ROS1: variants seen among roughly 807,000 people sequenced by gnomAD.
ROS1 encodes proto-oncogene tyrosine-protein kinase ROS.
ROS1 carries 263 observed loss-of-function variants against 273.5 expected under a neutral mutation model. The ratio of observed to expected loss-of-function variants is 0.96; its 90% CI spans 0.87 to 1.06. The LOEUF (loss-of-function observed/expected upper bound fraction) is 1.06. Ranked by LOEUF, ROS1 falls within the 50% of genes least tolerant of loss-of-function variation. The pLI is 0.00. For synonymous variants in ROS1, 1,008 were observed against 954.1 expected (o/e 1.06, Z -1.04); for missense variants, 2,833 against 2,751.1 (o/e 1.03, Z -0.67).
intron 4 of ROS1, among the ~76,000 whole-genome samples, chr6:117,409,960 T>C (rs1036619369): frequency 9.2e-5 from 14 of 152,216 alleles, no homozygotes; most frequent in African/African-American, 3.4e-4. Flanking sequence ...ATCCTTACTT[T>C]TCCCTCCATT....
chr6:117,417,425 T>C (rs1269826419), intron 2 of ROS1, among the ~76,000 whole-genome samples: 1 of 152,112 alleles, frequency 6.6e-6, no homozygotes, highest in African/African-American at 2.4e-5. Context: ...ACTGCCTCAA[T>C]TTTCTGTTTT....
chr6:117,411,205 G>T (rs1048215142), intron 4 of ROS1, among the ~76,000 whole-genome samples: 1 of 150,452 alleles, frequency 6.6e-6, no homozygotes, highest in Admixed American at 6.6e-5. Context: ...TAACAACTAC[G>T]TTTCCTTCTC....
intron 21 of ROS1, among the ~76,000 whole-genome samples, 178 bp from the exon 22 acceptor site, chr6:117,363,043 C>T (rs1421763651): frequency 6.6e-6 from 1 of 152,166 alleles, no homozygotes; most frequent in African/African-American, 2.4e-5. Context: ...TAGATTTCTT[C>T]AGGAACCCAT....
At chr6:117,420,543 A>T (rs905392311) in intron 1 of ROS1, among the ~76,000 whole-genome samples, 7 of 151,318 alleles carry the variant, frequency 4.6e-5, no homozygotes, top group Non-Finnish European at 1.5e-5. Flanking sequence ...AACAAAACTG[A>T]ACATTGTGCA....
intron 1 of ROS1, among the ~76,000 whole-genome samples, chr6:117,422,863 C>T (rs943687198): frequency 2.6e-5 from 4 of 151,746 alleles, no homozygotes; most frequent in African/African-American, 4.8e-5. Flanking sequence ...TTTTGTATTC[C>T]GAATTGCATC....
chr6:117,366,730 T>C (rs913357707), intron 18 of ROS1, among the ~76,000 whole-genome samples: 2 of 152,154 alleles, frequency 1.3e-5, no homozygotes, highest in African/African-American at 4.8e-5. Context: ...GCCAGGCTGG[T>C]CTTGAACTTC....
At chr6:117,408,098 ACC>A (rs1774570945) in intron 5 of ROS1, among the ~76,000 whole-genome samples, 1 of 151,832 alleles carries the variant, frequency 6.6e-6, no homozygotes, top group African/African-American at 2.4e-5. Context: ...TAGACCTAAA[ACC>A]ATAAAAACCC....
At chr6:117,398,753 T>A (rs1263356782) in intron 7 of ROS1, among the ~76,000 whole-genome samples, 1 of 147,658 alleles carries the variant, frequency 6.8e-6, no homozygotes, top group African/African-American at 2.5e-5. Context: ...GGCGGGCGGA[T>A]CACGAGGTCA....
intron 22 of ROS1, among the ~76,000 whole-genome samples, chr6:117,360,965 A>T (rs1020724739): frequency 6.6e-6 from 1 of 152,174 alleles, no homozygotes; most frequent in Non-Finnish European, 1.5e-5. Context: ...AACTTTTAAA[A>T]ATAATTAAAT....
chr6:117,305,984 A>T (rs1775066895), intron 42 of ROS1, among the ~76,000 whole-genome samples: 2 of 150,614 alleles, frequency 1.3e-5, no homozygotes, highest in Non-Finnish European at 2.9e-5. Flanking sequence ...TAGAGGTTCC[A>T]ATTCCTCCAC....
chr6:117,289,047 G>A (rs1005361804), intron 43 of ROS1, among the ~76,000 whole-genome samples: 3 of 152,156 alleles, frequency 2.0e-5, no homozygotes, highest in Non-Finnish European at 2.9e-5. Flanking sequence ...GTCACCTATA[G>A]AAGGTGACAT....
chr6:117,398,741 G>A lies in ROS1; in HGVS notation c.605-1625C>T, dbSNP rs550637250. Among the ~76,000 whole-genome samples, 424 of 150,250 alleles carry A rather than the reference G, an allele frequency of 2.8e-3. 1 individual carries two copies. The highest frequency in any genetic ancestry group is 5.2e-3 in the Non-Finnish European group (352 of 67,686). ...TGTAATCCCAGCACTTTAGGAGGCC[G>A]AGGCGGGCGGATCACGAGGTCAGGA... is the stretch of plus-strand genomic sequence containing the variant. On this transcript the variant is annotated intron_variant, in intron 7 of 43. Transcript: ENST00000368507.
intron 13 of ROS1, among the ~76,000 whole-genome samples, chr6:117,388,934 C>T (rs1210014309): frequency 6.6e-6 from 1 of 152,144 alleles, no homozygotes; most frequent in Non-Finnish European, 1.5e-5. Flanking sequence ...CCAGAGCCCA[C>T]CTGCTTACCC....
intron 4 of ROS1, among the ~76,000 whole-genome samples, chr6:117,411,247 C>G (rs1300586967): frequency 6.6e-6 from 1 of 151,330 alleles, no homozygotes; most frequent in African/African-American, 2.4e-5. Flanking sequence ...CTCTCTTTCT[C>G]TCTCTCCCTC....
rs187600538 is a variant in ROS1, at chr6:117,354,230, G to A, written c.4127-1064C>T. ...TAGTGAGGCATGGTAGTGTGCACCT[G>A]TAGTCCCAGCTACTTGGGAGACTGA... On this transcript the variant is annotated intron_variant, in intron 26 of 43. Transcript: ENST00000368507. Among the ~76,000 whole-genome samples, 95 of 152,176 alleles carry A rather than the reference G, an allele frequency of 6.2e-4. 1 individual carries two copies. Among genetic ancestry groups the A allele is most frequent in the African/African-American group, 2.0e-3 (85 of 41,524 alleles).
chr6:117,345,046 A>G (rs1562295371), intron 27 of ROS1, among the ~76,000 whole-genome samples: 1 of 152,204 alleles, frequency 6.6e-6, no homozygotes, highest in Admixed American at 6.5e-5. Flanking sequence ...AATAACTCCA[A>G]ATATGATTTT....
At chr6:117,301,944 A>G (rs543637719) in intron 42 of ROS1, among the ~76,000 whole-genome samples, 3 of 152,322 alleles carry the variant, frequency 2.0e-5, no homozygotes, top group Admixed American at 2.0e-4. Flanking sequence ...ACTCTTAAGT[A>G]GTATTCATTC....
At chr6:117,310,988 G>GT in intron 40 of ROS1, 32 bp downstream of exon 40, 1 of 1,383,372 alleles carries the variant, frequency 7.2e-7, no homozygotes, top group South Asian at 1.2e-5. Flanking sequence ...GCCAATATCC[G>GT]TAATAACCCT....
chr6:117,294,410 G>A (rs1434701112), intron 43 of ROS1, among the ~76,000 whole-genome samples: 1 of 151,996 alleles, frequency 6.6e-6, no homozygotes, highest in Non-Finnish European at 1.5e-5. Flanking sequence ...CACAAAATGT[G>A]TCTTCAACAT....
Sources: allele counts gnomAD v4.1 joint callset (sites outside exome capture counted in the v4.1 genomes callset), GRCh38; gene constraint gnomAD v4.1.1; transcripts MANE v1.5; gene names NCBI Gene and HGNC (gene_info 2026-07-23, HGNC 2026-07-21).